Variants in WASHC2C observed in about 807,000 individuals in gnomAD.
WASHC2C encodes Vaccinia Penetration Factor.
Under a neutral mutation model 142.2 loss-of-function variants are expected in WASHC2C, and 73 were observed. The observed-to-expected ratio is 0.51, with a 90% confidence interval of 0.43 to 0.62. The LOEUF is 0.62. Ranked by LOEUF, WASHC2C falls within the 20% of genes least tolerant of loss-of-function variation. WASHC2C has a pLI of 0.00. For synonymous variants in WASHC2C, 337 were observed against 565.5 expected (o/e 0.60, Z 5.73); for missense variants, 969 against 1,531.7 (o/e 0.63, Z 6.13).
At chr10:45,784,302 A>G (rs1554889062) in intron 23 of WASHC2C, among the ~76,000 whole-genome samples, 1 of 68,946 alleles carries the variant, frequency 1.5e-5, no homozygotes, top group Non-Finnish European at 2.8e-5. Context: ...ACATATATAT[A>G]TATATATATA....
intron 19 of WASHC2C, among the ~76,000 whole-genome samples, chr10:45,768,191 C>T (rs2056147775): frequency 6.7e-6 from 1 of 150,116 alleles, no homozygotes; most frequent in Non-Finnish European, 1.5e-5. Context: ...CGCGCCACTG[C>T]ACTCCAGCCC....
Position 45,785,615 on chromosome 10 carries a change from A to G in WASHC2C, c.2795A>G (p.Lys932Arg). The G allele has an allele frequency of 1.2e-6, 2 of 1,613,840 alleles. No homozygotes were observed. Among genetic ancestry groups the G allele is most frequent in the Non-Finnish European group, 1.7e-6 (2 of 1,179,854 alleles). The change falls in exon 26 of 31, where the codon AAG becomes AGG. Residue 932 changes from lysine (K) to arginine (R), a missense_variant. Transcript: ENST00000623400. ...GGTAGTAAAGAAAAAGGCATATGGA[A>G]GCCGGAAACACCTCAGGTTAGAAAT... ...IQGSKEKGIWKPETPQDSSGL... is the reference protein window; with the variant it reads ...IQGSKEKGIWRPETPQDSSGL...
Position 45,789,214 on chromosome 10 carries a change from C to G in WASHC2C, c.3431C>G (p.Ser1144Cys). 6.2e-7 allele frequency: 1 copy of G among 1,612,046 alleles called. No homozygotes were observed. The highest frequency in any genetic ancestry group is 8.5e-7 in the Non-Finnish European group (1 of 1,179,868). ...TTTTCCACGGGCACTGGATCTCAGT[C>G]CGTGGAGAGAACAAAACCCAAGGCA... is the stretch of plus-strand genomic sequence containing the variant. ...DIFSTGTGSQ[S>C]VERTKPKAKI... Residue 1144 changes from serine (S) to cysteine (C), a missense_variant, in exon 29 of 31, where the codon TCC (serine) becomes TGC (cysteine). Ser to Cys is a moderately radical substitution (Grantham distance 112). Transcript: ENST00000623400.
intron 5 of WASHC2C, among the ~76,000 whole-genome samples, chr10:45,741,011 G>A (rs1484096632): frequency 5.9e-5 from 9 of 151,354 alleles, no homozygotes; most frequent in East Asian, 1.9e-4. Context: ...TGCGTGGCAC[G>A]ATGTTGGCTC....
intron 29 of WASHC2C, among the ~76,000 whole-genome samples, chr10:45,789,712 A>C (rs1463863329): frequency 2.0e-5 from 3 of 152,008 alleles, no homozygotes; most frequent in Non-Finnish European, 4.4e-5. Flanking sequence ...GGCCATGATC[A>C]TTGATACTGA....
At chr10:45,732,653 T>C (rs1284760788) in intron 3 of WASHC2C, among the ~76,000 whole-genome samples, 5 of 152,192 alleles carry the variant, frequency 3.3e-5, no homozygotes, top group Non-Finnish European at 2.9e-5. Flanking sequence ...AGAATTTTTT[T>C]TGTGAAAAGC....
intron 20 of WASHC2C, among the ~76,000 whole-genome samples, chr10:45,770,055 A>G (rs1564791340): frequency 4.6e-5 from 7 of 151,180 alleles, no homozygotes; most frequent in Admixed American, 2.6e-4. Context: ...CCTGGCCAAT[A>G]TGGTGAAACC....
chr10:45,780,894 T>C (rs2057449787), intron 23 of WASHC2C, among the ~76,000 whole-genome samples: 1 of 151,622 alleles, frequency 6.6e-6, no homozygotes, highest in Non-Finnish European at 1.5e-5. Context: ...GCTGGGATTA[T>C]AGGCACCCAC....
intron 3 of WASHC2C, 143 bp downstream of exon 3, chr10:45,729,169 C>G (rs1205723284): frequency 9.5e-7 from 1 of 1,056,576 alleles, no homozygotes; most frequent in African/African-American, 1.6e-5. Context: ...GGGATTAACG[C>G]CTCTTTTTTA....
chr10:45,741,835 G>A (rs560903504), intron 5 of WASHC2C, among the ~76,000 whole-genome samples: 1 of 139,774 alleles, frequency 7.2e-6, no homozygotes, highest in East Asian at 2.1e-4. Context: ...TTTCACTCTT[G>A]TTGCCCAAGC....
At chr10:45,739,612 T>G (rs1395464578) in intron 4 of WASHC2C, among the ~76,000 whole-genome samples, 2 of 152,098 alleles carry the variant, frequency 1.3e-5, no homozygotes, top group Non-Finnish European at 2.9e-5. Flanking sequence ...GTCCAGTTTT[T>G]TTTTTTTTTG....
intron 3 of WASHC2C, among the ~76,000 whole-genome samples, chr10:45,735,557 G>A (rs1388869136): frequency 6.6e-6 from 1 of 152,134 alleles, no homozygotes; most frequent in Non-Finnish European, 1.5e-5. Flanking sequence ...TCCCCAGCAG[G>A]ATTATCTTAC....
chr10:45,727,225 C>G, upstream of WASHC2C: 3 of 1,513,542 alleles, frequency 2.0e-6, no homozygotes, highest in Non-Finnish European at 2.6e-6. Flanking sequence ...GCCGGTCACG[C>G]CCCGGGCAGC....
chr10:45,757,766 G>C (rs1214187685), intron 16 of WASHC2C, among the ~76,000 whole-genome samples: 6 of 152,224 alleles, frequency 3.9e-5, no homozygotes, highest in African/African-American at 1.4e-4. Context: ...TCCCTCGCAT[G>C]CACAGTTCAC....
At chr10:45,751,087 C>T (rs2053532247) in intron 10 of WASHC2C, among the ~76,000 whole-genome samples, 1 of 151,990 alleles carries the variant, frequency 6.6e-6, no homozygotes, top group African/African-American at 2.4e-5. Context: ...CATATAATTT[C>T]AGGGGATTAA....
At chr10:45,785,103 A>G (rs2057932982) in intron 25 of WASHC2C, among the ~76,000 whole-genome samples, 1 of 152,220 alleles carries the variant, frequency 6.6e-6, no homozygotes, top group Non-Finnish European at 1.5e-5. Flanking sequence ...TGTTCCCTAT[A>G]CTAACATTAA....
At chr10:45,736,116 A>T (rs1282947554) in intron 3 of WASHC2C, among the ~76,000 whole-genome samples, 15 of 151,830 alleles carry the variant, frequency 9.9e-5, no homozygotes, top group Non-Finnish European at 1.9e-4. Flanking sequence ...CTAAAAAAAA[A>T]AAAAATGCAG....
intron 7 of WASHC2C, among the ~76,000 whole-genome samples, chr10:45,745,554 T>C (rs1222269421): frequency 2.6e-5 from 4 of 151,316 alleles, no homozygotes; most frequent in Admixed American, 1.3e-4. Context: ...CTTTCTGCAC[T>C]CTCCCTGCCC....
chr10:45,755,174 A>G (rs2054092035), intron 15 of WASHC2C, 59 bp downstream of exon 15: 2 of 1,550,982 alleles, frequency 1.3e-6, no homozygotes, highest in South Asian at 1.2e-5. Flanking sequence ...TTGCCTAAAA[A>G]GAACATAAGC....
Sources: gnomAD v4.1 joint callset for allele counts (sites outside exome capture counted in the v4.1 genomes callset) on GRCh38, gnomAD v4.1.1 for gene constraint, MANE v1.5 for transcripts, NCBI Gene and HGNC (gene_info 2026-07-23, HGNC 2026-07-21) for gene names.